The following FLT3 variants were observed in gnomAD, a reference collection of about 807,000 sequenced individuals.
The protein encoded by FLT3 is fms related receptor tyrosine kinase 3, also known as receptor-type tyrosine-protein kinase FLT3.
Under a neutral mutation model 126.6 loss-of-function variants are expected in FLT3, and 46 were observed. That is an observed-to-expected ratio of 0.36 (90% confidence interval 0.29 to 0.46). The LOEUF (loss-of-function observed/expected upper bound fraction) is 0.46, where lower values mean the gene tolerates loss of function less well. FLT3 is among the 20% of genes least tolerant of loss of function. The pLI is 1.00. For missense variants in FLT3, 1,069 were observed against 1,190.3 expected, an observed-to-expected ratio of 0.90 and a Z score of 1.50; for synonymous variants, 404 against 434.4, an observed-to-expected ratio of 0.93 and a Z score of 0.87.
chr13:28,038,761 T>A (rs2137692215), intron 9 of FLT3, among the ~76,000 whole-genome samples: 1 of 152,154 alleles, frequency 6.6e-6, no homozygotes, highest in South Asian at 2.1e-4. Flanking sequence ...CCTAGCCTAC[T>A]TAAAGTTTAA....
chr13:28,036,294 G>T (rs1033311178), intron 10 of FLT3, among the ~76,000 whole-genome samples: 1 of 152,232 alleles, frequency 6.6e-6, no homozygotes, highest in African/African-American at 2.4e-5. Context: ...AGGGCAGTTT[G>T]TGCTTCTGGG....
At chr13:28,019,715 C>T (rs1229005228) in intron 19 of FLT3, among the ~76,000 whole-genome samples, 1 of 152,130 alleles carries the variant, frequency 6.6e-6, no homozygotes, top group Non-Finnish European at 1.5e-5. Flanking sequence ...TGGCTTGGCA[C>T]CCACACAGTC....
intron 23 of FLT3, among the ~76,000 whole-genome samples, chr13:28,010,545 G>A (rs1376546697): frequency 6.6e-6 from 1 of 152,218 alleles, no homozygotes; most frequent in East Asian, 1.9e-4. Context: ...GTTCACCACT[G>A]TCTAAATGCC....
intron 1 of FLT3, among the ~76,000 whole-genome samples, chr13:28,083,513 G>A (rs1165552790): frequency 6.6e-6 from 1 of 152,166 alleles, no homozygotes; most frequent in Non-Finnish European, 1.5e-5. Flanking sequence ...AGAATGAGTT[G>A]AGAAGTGTCG....
At chr13:28,071,664 C>T (rs1296855093) in intron 1 of FLT3, among the ~76,000 whole-genome samples, 1 of 152,044 alleles carries the variant, frequency 6.6e-6, no homozygotes, top group African/African-American at 2.4e-5. Context: ...ATATTTAGGT[C>T]TTTTCTCACC....
intron 9 of FLT3, among the ~76,000 whole-genome samples, chr13:28,047,736 AAAAAG>A (rs1485622030): frequency 1.3e-5 from 2 of 151,420 alleles, no homozygotes; most frequent in Non-Finnish European, 2.9e-5. Flanking sequence ...AAAGAAAAAG[AAAAAG>A]AAAAGAAAAT....
intron 3 of FLT3, among the ~76,000 whole-genome samples, chr13:28,059,505 T>G (rs1386023832): frequency 6.6e-6 from 1 of 152,230 alleles, no homozygotes; most frequent in Non-Finnish European, 1.5e-5. Context: ...CTGGATGAGA[T>G]CGATGTTCCT....
At chr13:28,034,959 A>G (rs1310171917) in intron 12 of FLT3, among the ~76,000 whole-genome samples, 1 of 146,202 alleles carries the variant, frequency 6.8e-6, no homozygotes, top group Non-Finnish European at 1.5e-5. Context: ...AAAAAAATGC[A>G]TGGATTTAAA....
chr13:28,044,636 A>C lies in FLT3; in HGVS notation c.1205+3639T>G, dbSNP rs546600314. On this transcript the variant is annotated intron_variant, in intron 9 of 23. Transcript: ENST00000241453. ...GTACTTTGAGCATGTTTTCTCATGA[A>C]GAAGGAGGGCCCATCTTTCCTTTGC... 6.0e-4 allele frequency among the ~76,000 whole-genome samples: 92 copies of C among 152,244 alleles called. 1 individual carries two copies. The highest frequency in any genetic ancestry group is 2.2e-3 in the African/African-American group (92 of 41,540).
At chr13:28,052,768 C>G (rs1430532126) in intron 4 of FLT3, 94 bp from the exon 5 acceptor site, 1 of 864,544 alleles carries the variant, frequency 1.2e-6, no homozygotes, top group Admixed American at 2.5e-5. Context: ...ATGAAAAGTT[C>G]TCAACCATTA....
Position 28,049,500 on chromosome 13 carries a change from C to T in FLT3, c.920G>A (p.Arg307Lys), listed in dbSNP as rs1317803354. The change falls in exon 8 of 24, where the codon AGA (arginine) becomes AAA (lysine). Residue 307 changes from arginine to lysine, a missense_variant. Coordinates refer to ENST00000241453, the MANE Select transcript of FLT3 (RefSeq NM_004119.3). ...AGCAAACAGAATCCGTATCATAGTT[C>T]TGTTTGTTGAATAGGTACTCATCTC... ...YFEMSTYSTN[R>K]TMIRILFAFV... 2.5e-6 allele frequency: 4 copies of T among 1,613,920 alleles called. No individual in the cohort carries two copies. The highest frequency in any genetic ancestry group is 3.4e-6 in the Non-Finnish European group (4 of 1,179,868).
At position 28,004,064 on chromosome 13, in the gene FLT3, G is replaced by A. The variant is rs777901691; in HGVS notation, c.2970C>T (p.Val990=). 47 of 1,613,854 alleles carry A rather than the reference G, an allele frequency of 2.9e-5. No individual in the cohort carries two copies. Among genetic ancestry groups the A allele is most frequent in the Admixed American group, 5.0e-5 (3 of 59,966 alleles). Residue 990 remains valine (V), a synonymous_variant, in exon 24 of 24, where the codon GTC becomes GTT. Coordinates refer to ENST00000241453, the MANE Select transcript of FLT3 (RefSeq NM_004119.3). The part of the protein sequence containing the change: ...DLGLLSPQAQ[V]EDS Reference sequence around the variant, plus strand: ...CTAAATTGTTCCTCTACGAATCTTCGACCTGAGCCTGCGGAGAGAGTAGCC... The same window carrying A: ...CTAAATTGTTCCTCTACGAATCTTCAACCTGAGCCTGCGGAGAGAGTAGCC...
At chr13:28,093,448 C>T (rs928799370) in intron 1 of FLT3, among the ~76,000 whole-genome samples, 7 of 152,106 alleles carry the variant, frequency 4.6e-5, no homozygotes, top group African/African-American at 1.7e-4. Flanking sequence ...GCTCAGGCAA[C>T]CCTGAATTTT....
chr13:28,091,223 T>TTC, intron 1 of FLT3, among the ~76,000 whole-genome samples: 1 of 115,172 alleles, frequency 8.7e-6, no homozygotes, highest in African/African-American at 3.6e-5. Flanking sequence ...TTTTTTTTTT[T>TTC]TTTTTTTTTT....
chr13:28,064,058 G>A lies in FLT3; in HGVS notation c.166-1989C>T, dbSNP rs539992514. On this transcript the variant is annotated intron_variant, in intron 2 of 23. Coordinates refer to ENST00000241453, the MANE Select transcript of FLT3 (RefSeq NM_004119.3). ...AGGCTGAGGTGGAAGGATCACTTGAGCCCAGGAGTTCAAGTCCAGCCTGGA... is the reference window on the plus strand; with the variant it reads ...AGGCTGAGGTGGAAGGATCACTTGAACCCAGGAGTTCAAGTCCAGCCTGGA... 1.2e-4 allele frequency among the ~76,000 whole-genome samples: 19 copies of A among 152,204 alleles called. No homozygotes were observed. In the South Asian group the frequency reaches 3.3e-3, roughly 27 times the overall value.
chr13:28,013,554 A>G (rs1266565703), intron 23 of FLT3, among the ~76,000 whole-genome samples: 1 of 152,238 alleles, frequency 6.6e-6, no homozygotes, highest in Non-Finnish European at 1.5e-5. Context: ...GGTTCTTTTC[A>G]CTATACCAGG....
At chr13:28,030,273 G>T (rs746010795) in intron 15 of FLT3, among the ~76,000 whole-genome samples, 1 of 152,214 alleles carries the variant, frequency 6.6e-6, no homozygotes, top group Non-Finnish European at 1.5e-5. Context: ...CATGTCTTCA[G>T]CTTCACGCTG....
intron 9 of FLT3, among the ~76,000 whole-genome samples, chr13:28,039,358 C>T (rs140918067): frequency 0.044 from 6,737 of 151,712 alleles, 444 homozygotes; most frequent in African/African-American, 0.15. Context: ...CCCGCCACCA[C>T]GCCCGGCTAA....
chr13:28,056,282 G>A (rs1875991791), intron 4 of FLT3, among the ~76,000 whole-genome samples: 1 of 152,156 alleles, frequency 6.6e-6, no homozygotes, highest in Non-Finnish European at 1.5e-5. Flanking sequence ...CATCTGAGAT[G>A]AAACAGGCAG....
Sources: allele counts gnomAD v4.1 joint callset (sites outside exome capture counted in the v4.1 genomes callset), GRCh38; gene constraint gnomAD v4.1.1; transcripts MANE v1.5; gene names NCBI Gene and HGNC (gene_info 2026-07-23, HGNC 2026-07-21).